NEDD4L: variants seen among roughly 807,000 people sequenced by gnomAD.
NEDD4L encodes NEDD4 like E3 ubiquitin protein ligase, also known as E3 ubiquitin-protein ligase NEDD4-like.
NEDD4L carries 54 observed loss-of-function variants against 148.9 expected under a neutral mutation model. That is an observed-to-expected ratio of 0.36 (90% CI 0.29 to 0.45). The LOEUF (loss-of-function observed/expected upper bound fraction) is 0.45. NEDD4L is among the 20% of genes least tolerant of loss of function. NEDD4L has a pLI of 1.00. For synonymous variants in NEDD4L, 433 were observed against 440.7 expected (o/e 0.98, Z 0.22); for missense variants, 856 against 1,233.8 (o/e 0.69, Z 4.59).
chr18:58,337,830 A>G (rs940158645), intron 13 of NEDD4L, among the ~76,000 whole-genome samples: 1 of 152,190 alleles, frequency 6.6e-6, no homozygotes, highest in Non-Finnish European at 1.5e-5. Context: ...TAGTCTAATA[A>G]ACAGGCCCTG....
In NEDD4L at chr18:58,333,862, C is replaced by T. The variant is rs770364514; in HGVS notation, c.1035C>T (p.Asp345=). The T allele has an allele frequency of 6.2e-7, 1 of 1,613,772 alleles. No homozygotes were observed. Among genetic ancestry groups the T allele is most frequent in the Non-Finnish European group, 8.5e-7 (1 of 1,179,776 alleles). The change falls in exon 12 of 31, where the codon GAC becomes GAT. Residue 345 remains aspartate (D), a synonymous_variant. Transcript: ENST00000400345. The part of the protein sequence containing the change: ...SSRLRSCSVT[D]AVAEQGHLPP... ...GGTTGAGGTCATGCAGTGTCACCGA[C>T]GCAGTTGCAGAACAGGGCCATCTAC...
chr18:58,138,662 A>C (rs565822638), intron 1 of NEDD4L, among the ~76,000 whole-genome samples: 1 of 152,286 alleles, frequency 6.6e-6, no homozygotes, highest in African/African-American at 2.4e-5. Flanking sequence ...CCATGATCAA[A>C]GTACTGGCAT....
At chr18:58,148,043 C>CT (rs1222969129) in intron 1 of NEDD4L, among the ~76,000 whole-genome samples, 2 of 152,022 alleles carry the variant, frequency 1.3e-5, no homozygotes, top group African/African-American at 4.8e-5. Context: ...CCCCTCTCTC[C>CT]CCCCCTTTTT....
intron 1 of NEDD4L, chr18:58,047,293 C>T: frequency 1.0e-6 from 1 of 984,246 alleles, no homozygotes; most frequent in Non-Finnish European, 1.2e-6. Flanking sequence ...ATACCTACCA[C>T]ATTTCTTAAA....
At chr18:58,096,396 ATTTTATT>A (rs2084409381) in intron 1 of NEDD4L, among the ~76,000 whole-genome samples, 1 of 126,036 alleles carries the variant, frequency 7.9e-6, no homozygotes, top group Non-Finnish European at 1.6e-5. Context: ...ATTTTATTTT[ATTTTATT>A]TTATTTTATT....
intron 1 of NEDD4L, among the ~76,000 whole-genome samples, chr18:58,107,670 G>T (rs2085146734): frequency 6.6e-6 from 1 of 151,056 alleles, no homozygotes; most frequent in Non-Finnish European, 1.5e-5. Flanking sequence ...AGTGAGCAAA[G>T]ATCTGTGCCT....
At chr18:58,306,296 AG>A (rs2057052782) in intron 5 of NEDD4L, among the ~76,000 whole-genome samples, 1 of 150,010 alleles carries the variant, frequency 6.7e-6, no homozygotes, top group African/African-American at 2.5e-5. Flanking sequence ...GGGGGAGATG[AG>A]GGGGGTGAAG....
chr18:58,231,544 T>A (rs537486649), intron 2 of NEDD4L, among the ~76,000 whole-genome samples: 2 of 152,084 alleles, frequency 1.3e-5, no homozygotes, highest in African/African-American at 4.8e-5. Context: ...ACCAAACAGA[T>A]GTGGCTGTTA....
At chr18:58,305,150 C>G (rs947829707) in intron 5 of NEDD4L, among the ~76,000 whole-genome samples, 2 of 152,186 alleles carry the variant, frequency 1.3e-5, no homozygotes, top group South Asian at 4.1e-4. Flanking sequence ...TTTAGGAGAA[C>G]AGCAGAGGCA....
At chr18:58,241,982 G>T (rs56047694) in intron 2 of NEDD4L, among the ~76,000 whole-genome samples, 1,828 of 152,106 alleles carry the variant, frequency 0.012, 74 homozygotes, top group African/African-American at 0.041. Flanking sequence ...TGTATCAGCA[G>T]CAGCCACTAG....
chr18:58,049,169 C>T (rs1454755364), intron 1 of NEDD4L, among the ~76,000 whole-genome samples: 4 of 152,176 alleles, frequency 2.6e-5, no homozygotes, highest in Non-Finnish European at 5.9e-5. Flanking sequence ...CCCAATCATT[C>T]AGTACTTTTA....
intron 1 of NEDD4L, chr18:58,047,152 C>T (rs1254190954): frequency 1.4e-6 from 1 of 697,978 alleles, no homozygotes; most frequent in African/African-American, 1.9e-5. Context: ...CAGGGTTGTT[C>T]TTCCAAGGCG....
At position 58,398,025 on chromosome 18, in the gene NEDD4L, G is replaced by A. The variant is rs2050601778; in HGVS notation, c.*1756G>A. The stretch of plus-strand genomic sequence containing the variant: ...CATGGAAGGTTGTGGTTGTAAATGA[G>A]TTGTCTAAAGGGGTGCAGAGGCCTG... On this transcript the variant is annotated 3_prime_UTR_variant, in exon 31 of 31. Coordinates refer to ENST00000400345, the MANE Select transcript of NEDD4L (RefSeq NM_001144967.3). 1 of 151,926 alleles carries A rather than the reference G, an allele frequency of 6.6e-6. No homozygotes were observed. Among genetic ancestry groups the A allele is most frequent in the African/African-American group, 2.4e-5 (1 of 41,314 alleles). The allele number at this position is 151,926 out of a possible 1,614,324, so 9.4% of individuals were successfully genotyped here.
intron 1 of NEDD4L, among the ~76,000 whole-genome samples, chr18:58,072,903 C>CACAAAT (rs1555682112): frequency 2.8e-4 from 41 of 148,248 alleles, no homozygotes; most frequent in Admixed American, 1.3e-3. Context: ...CACACACACA[C>CACAAAT]ACAAATCTTG....
At chr18:58,050,855 A>T (rs1471868227) in intron 1 of NEDD4L, among the ~76,000 whole-genome samples, 1 of 152,252 alleles carries the variant, frequency 6.6e-6, no homozygotes, top group Non-Finnish European at 1.5e-5. Flanking sequence ...TTACCATTAC[A>T]GAATGCAATT....
At chr18:58,076,635 G>T (rs372322112) in intron 1 of NEDD4L, among the ~76,000 whole-genome samples, 46 of 152,218 alleles carry the variant, frequency 3.0e-4, no homozygotes, top group African/African-American at 1.0e-3. Flanking sequence ...AGCTCAGTGA[G>T]GTGAGCCTGT....
intron 1 of NEDD4L, among the ~76,000 whole-genome samples, chr18:58,101,907 A>C (rs2084775523): frequency 1.3e-5 from 2 of 152,090 alleles, no homozygotes; most frequent in Admixed American, 1.3e-4. Flanking sequence ...GAATGGGGGT[A>C]TTATTTTAAA....
At chr18:58,207,967 C>T (rs939809315) in intron 2 of NEDD4L, among the ~76,000 whole-genome samples, 3 of 152,100 alleles carry the variant, frequency 2.0e-5, no homozygotes, top group Non-Finnish European at 4.4e-5. Flanking sequence ...GGCAGAGAAT[C>T]AGGGGGCGGA....
At chr18:58,215,995 T>TG (rs1250512353) in intron 2 of NEDD4L, among the ~76,000 whole-genome samples, 54 of 152,286 alleles carry the variant, frequency 3.5e-4, no homozygotes, top group African/African-American at 1.3e-3. Flanking sequence ...TTTTTTTTTT[T>TG]TAGTCAGATT....
Sources: allele counts gnomAD v4.1 joint callset (sites outside exome capture counted in the v4.1 genomes callset), GRCh38; gene constraint gnomAD v4.1.1; transcripts MANE v1.5; gene names NCBI Gene and HGNC (gene_info 2026-07-23, HGNC 2026-07-21).